TMC1: variants seen among roughly 807,000 people sequenced by gnomAD.
The protein encoded by TMC1 is transmembrane channel-like protein 1.
Under a neutral mutation model 105.8 loss-of-function variants are expected in TMC1, and 84 were observed. That is an observed-to-expected ratio of 0.79 (90% CI 0.67 to 0.95). The LOEUF is 0.95. Ranked by LOEUF, TMC1 falls within the 40% of genes least tolerant of loss-of-function variation. The pLI, the probability that TMC1 is intolerant of heterozygous loss-of-function variation, is 0.00. For missense variants in TMC1, 817 were observed against 914.1 expected (o/e 0.89, Z 1.37); for synonymous variants, 315 against 311.5 (o/e 1.01, Z -0.12).
At chr9:72,654,722 T>A (rs1222863485) in intron 5 of TMC1, among the ~76,000 whole-genome samples, 3 of 152,104 alleles carry the variant, frequency 2.0e-5, no homozygotes, top group Non-Finnish European at 4.4e-5. Flanking sequence ...TATTAAATTC[T>A]TTAAAAGAGA....
At chr9:72,522,154 G>GTT (rs66973360) in intron 1 of TMC1, among the ~76,000 whole-genome samples, 3 of 47,746 alleles carry the variant, frequency 6.3e-5, no homozygotes. Context: ...TAATTGATAA[G>GTT]TTTTTTTTTT....
chr9:72,666,983 G>C (rs1826054981), intron 5 of TMC1, among the ~76,000 whole-genome samples: 1 of 151,984 alleles, frequency 6.6e-6, no homozygotes, highest in African/African-American at 2.4e-5. Context: ...AGGAGGCTGA[G>C]GTGGGAGGAT....
chr9:72,522,071 TCTC>T, intron 1 of TMC1, among the ~76,000 whole-genome samples, 158 bp downstream of exon 1: 1 of 152,216 alleles, frequency 6.6e-6, no homozygotes, highest in Admixed American at 6.5e-5. Flanking sequence ...GCTACAGAAA[TCTC>T]CCCCAGTTAG....
chr9:72,832,044 T>G (rs1368054970), intron 23 of TMC1, among the ~76,000 whole-genome samples: 1 of 151,378 alleles, frequency 6.6e-6, no homozygotes, highest in Non-Finnish European at 1.5e-5. Context: ...CAGCTCCAAC[T>G]TCCCAGGCTG....
chr9:72,703,143 C>A (rs1000901768), intron 8 of TMC1, among the ~76,000 whole-genome samples: 1 of 150,134 alleles, frequency 6.7e-6, no homozygotes, highest in Non-Finnish European at 1.5e-5. Flanking sequence ...TTTTTTTTCT[C>A]GAGACAGGGT....
chr9:72,592,374 C>A (rs939420340), intron 2 of TMC1, among the ~76,000 whole-genome samples: 11 of 152,162 alleles, frequency 7.2e-5, no homozygotes, highest in African/African-American at 2.7e-4. Flanking sequence ...AGGAACTTAT[C>A]AATGGCATCA....
chr9:72,599,155 C>T (rs1490464635), intron 2 of TMC1, among the ~76,000 whole-genome samples: 1 of 152,084 alleles, frequency 6.6e-6, no homozygotes, highest in Non-Finnish European at 1.5e-5. Context: ...CTCAGTCTCC[C>T]GAGTAGCTGG....
chr9:72,550,571 T>C (rs930993403), intron 1 of TMC1, among the ~76,000 whole-genome samples: 4 of 143,502 alleles, frequency 2.8e-5, no homozygotes, highest in African/African-American at 1.0e-4. Flanking sequence ...GGCAGGAGAA[T>C]GGCGTGAACC....
At chr9:72,821,764 C>T (rs1487271420) in intron 20 of TMC1, among the ~76,000 whole-genome samples, 3 of 152,062 alleles carry the variant, frequency 2.0e-5, no homozygotes, top group East Asian at 1.9e-4. Context: ...CACATCCAGA[C>T]GTGGTCAGCT....
chr9:72,752,828 C>G (rs1827602502), intron 11 of TMC1, among the ~76,000 whole-genome samples: 1 of 152,098 alleles, frequency 6.6e-6, no homozygotes, highest in Non-Finnish European at 1.5e-5. Flanking sequence ...GTGCCAGTTT[C>G]TATACTAAGA....
chr9:72,605,291 G>A (rs1824893823), intron 2 of TMC1, among the ~76,000 whole-genome samples: 1 of 152,090 alleles, frequency 6.6e-6, no homozygotes, highest in African/African-American at 2.4e-5. Context: ...TAAATTTCTG[G>A]GGATGAGGAA....
chr9:72,606,728 T>C (rs1229683546), intron 2 of TMC1, among the ~76,000 whole-genome samples: 2 of 152,146 alleles, frequency 1.3e-5, no homozygotes, highest in African/African-American at 4.8e-5. Flanking sequence ...CAATGGTCTA[T>C]TGCTCTAAAT....
chr9:72,623,354 T>C (rs1310262543), intron 3 of TMC1, among the ~76,000 whole-genome samples: 2 of 152,080 alleles, frequency 1.3e-5, no homozygotes, highest in African/African-American at 4.8e-5. Flanking sequence ...TAACCCTAGC[T>C]CCTCAAGGAA....
At chr9:72,780,455 C>T (rs537280802) in intron 13 of TMC1, among the ~76,000 whole-genome samples, 60 of 152,234 alleles carry the variant, frequency 3.9e-4, no homozygotes, top group Admixed American at 1.5e-3. Context: ...ATTCAAAAGG[C>T]ACAGAATGGC....
At chr9:72,762,986 C>G (rs145587295) in intron 12 of TMC1, among the ~76,000 whole-genome samples, 1 of 151,638 alleles carries the variant, frequency 6.6e-6, no homozygotes, top group East Asian at 1.9e-4. Flanking sequence ...TGACACAGCT[C>G]TAGCTTGTGA....
intron 12 of TMC1, among the ~76,000 whole-genome samples, chr9:72,764,799 G>GCAACATCT (rs1368174596): frequency 6.6e-6 from 1 of 151,994 alleles, no homozygotes; most frequent in East Asian, 1.9e-4. Context: ...TCAGATGTTG[G>GCAACATCT]GAATACAAAG....
At chr9:72,642,916 C>T (rs1179597565) in intron 4 of TMC1, among the ~76,000 whole-genome samples, 1 of 152,170 alleles carries the variant, frequency 6.6e-6, no homozygotes, top group African/African-American at 2.4e-5. Flanking sequence ...CTCCTAGCTC[C>T]TGACAATCGC....
Position 72,837,791 on chromosome 9 carries a change from C to G in TMC1, c.*1818C>G, listed in dbSNP as rs906515472. On this transcript the variant is annotated 3_prime_UTR_variant, in exon 24 of 24. Coordinates refer to ENST00000297784, the MANE Select transcript of TMC1 (RefSeq NM_138691.3). The stretch of plus-strand genomic sequence containing the variant: ...CTCTGAGTTTCTCATTCTTTTTGAT[C>G]ACCAAAAGGCAGCCATAGAATAATC... 2.6e-5 allele frequency: 4 copies of G among 152,178 alleles called. No homozygotes were observed. Among genetic ancestry groups the G allele is most frequent in the African/African-American group, 9.7e-5 (4 of 41,442 alleles). The allele number at this position is 152,178 out of a possible 1,614,324, so 9.4% of individuals were successfully genotyped here.
At chr9:72,573,955 C>T (rs1254192341) in intron 1 of TMC1, among the ~76,000 whole-genome samples, 1 of 152,146 alleles carries the variant, frequency 6.6e-6, no homozygotes, top group Non-Finnish European at 1.5e-5. Flanking sequence ...TTTCCACCCT[C>T]AAGTAGACCC....
Sources: allele counts gnomAD v4.1 joint callset (sites outside exome capture counted in the v4.1 genomes callset), GRCh38; gene constraint gnomAD v4.1.1; transcripts MANE v1.5; gene names NCBI Gene and HGNC (gene_info 2026-07-23, HGNC 2026-07-21).